Variants in TMEM117 observed in about 807,000 individuals in gnomAD.
TMEM117 encodes transmembrane protein 117.
Under a neutral mutation model 52.4 loss-of-function variants are expected in TMEM117, and 27 were observed. That is an observed-to-expected ratio of 0.51 (90% CI 0.38 to 0.71). TMEM117 has a LOEUF of 0.71. Among genes scored for constraint, TMEM117 ranks in the 30% least tolerant of loss-of-function variants. The pLI is 0.00. For synonymous variants in TMEM117, 215 were observed against 206.3 expected (o/e 1.04, Z -0.36); for missense variants, 556 against 630.5 (o/e 0.88, Z 1.26).
chr12:44,080,205 A>C (rs1317963672), intron 3 of TMEM117, among the ~76,000 whole-genome samples: 1 of 152,130 alleles, frequency 6.6e-6, no homozygotes, highest in Non-Finnish European at 1.5e-5. Flanking sequence ...GGTAATTTAT[A>C]GAGGAAAGAG....
At chr12:44,359,680 GA>G (rs1951696314) in intron 6 of TMEM117, among the ~76,000 whole-genome samples, 1 of 151,666 alleles carries the variant, frequency 6.6e-6, no homozygotes, top group Non-Finnish European at 1.5e-5. Flanking sequence ...CCTTAGCAGA[GA>G]AAATTTCCGG....
chr12:43,797,905 C>T, the TMEM117 span: 1 of 1,496,740 alleles, frequency 6.7e-7, no homozygotes, highest in Non-Finnish European at 9.1e-7. Flanking sequence ...GAAAACCCAA[C>T]CTCTATAAAA....
intron 3 of TMEM117, among the ~76,000 whole-genome samples, chr12:44,071,321 A>G (rs1947298581): frequency 2.0e-5 from 3 of 152,224 alleles, no homozygotes; most frequent in Middle Eastern, 3.4e-3. Context: ...TCCCTTGCAC[A>G]TGACTGATGC....
chr12:44,223,895 G>T (rs1949823998), intron 5 of TMEM117, among the ~76,000 whole-genome samples: 1 of 152,186 alleles, frequency 6.6e-6, no homozygotes, highest in African/African-American at 2.4e-5. Context: ...GCCTCGTTCT[G>T]CCAATTGGCT....
At chr12:43,999,327 C>CT (rs1450004817) in intron 3 of TMEM117, among the ~76,000 whole-genome samples, 1 of 152,132 alleles carries the variant, frequency 6.6e-6, no homozygotes, top group East Asian at 1.9e-4. Flanking sequence ...AATAGAAAAA[C>CT]TTTCTTGTGA....
chr12:43,871,855 A>G (rs1943711855), intron 2 of TMEM117, among the ~76,000 whole-genome samples: 1 of 152,166 alleles, frequency 6.6e-6, no homozygotes, highest in Admixed American at 6.5e-5. Flanking sequence ...CAATTTTTCT[A>G]AGTATTGTTC....
chr12:43,974,169 A>G (rs983706662), intron 3 of TMEM117, among the ~76,000 whole-genome samples: 2 of 152,112 alleles, frequency 1.3e-5, no homozygotes, highest in African/African-American at 4.8e-5. Flanking sequence ...TTCTGGAAAG[A>G]TTTATTTGTT....
chr12:44,167,707 G>A (rs1250247514), intron 4 of TMEM117, among the ~76,000 whole-genome samples: 1 of 152,080 alleles, frequency 6.6e-6, no homozygotes, highest in African/African-American at 2.4e-5. Flanking sequence ...AGGGGTTCTT[G>A]TTTCAGCTCT....
chr12:44,192,610 AAT>A (rs1161108177), intron 4 of TMEM117, among the ~76,000 whole-genome samples: 1 of 152,132 alleles, frequency 6.6e-6, no homozygotes, highest in Non-Finnish European at 1.5e-5. Flanking sequence ...GCACTGAATA[AAT>A]AAAATGTTTT....
intron 5 of TMEM117, among the ~76,000 whole-genome samples, chr12:44,273,388 T>A (rs1443432707): frequency 6.7e-6 from 1 of 150,204 alleles, no homozygotes; most frequent in African/African-American, 2.5e-5. Context: ...ATATATATAT[T>A]TAAAAAGAAC....
In TMEM117 at chr12:44,126,142, A is replaced by G. The variant is rs192342914; in HGVS notation, c.411-17383A>G. 3.0e-3 allele frequency among the ~76,000 whole-genome samples: 460 copies of G among 151,926 alleles called. 6 individuals carry two copies. The highest frequency in any genetic ancestry group is 1.0e-2 in the African/African-American group (414 of 41,456). ...AGGAATGTTTTAGTTCTAATTATGT[A>G]TCACATATTTATCCAATCCACCATT... On this transcript the variant is annotated intron_variant, in intron 3 of 7. Transcript: ENST00000266534.
intron 4 of TMEM117, among the ~76,000 whole-genome samples, chr12:44,169,382 G>A (rs951656372): frequency 6.6e-6 from 1 of 152,032 alleles, no homozygotes; most frequent in African/African-American, 2.4e-5. Flanking sequence ...AAAAATAATG[G>A]TTATTCTGTC....
intron 4 of TMEM117, among the ~76,000 whole-genome samples, chr12:44,195,109 G>T (rs1378329575): frequency 6.6e-6 from 1 of 152,146 alleles, no homozygotes; most frequent in South Asian, 2.1e-4. Flanking sequence ...GGGCTCCACT[G>T]GGTTCTCTAC....
At chr12:44,105,002 T>C (rs1049665867) in intron 3 of TMEM117, among the ~76,000 whole-genome samples, 3 of 151,998 alleles carry the variant, frequency 2.0e-5, no homozygotes, top group Non-Finnish European at 4.4e-5. Flanking sequence ...CCTGGATCTG[T>C]GGTTTGGTGT....
intron 3 of TMEM117, among the ~76,000 whole-genome samples, chr12:44,142,180 G>A (rs1948580297): frequency 6.6e-6 from 1 of 152,100 alleles, no homozygotes; most frequent in Non-Finnish European, 1.5e-5. Flanking sequence ...CAGTGTGAGA[G>A]TTGATGTATA....
At chr12:43,960,757 T>C (rs985913647) in intron 3 of TMEM117, among the ~76,000 whole-genome samples, 1 of 152,176 alleles carries the variant, frequency 6.6e-6, no homozygotes, top group South Asian at 2.1e-4. Context: ...CTTAACTACA[T>C]AGAGCAAAAA....
rs186371331 is a variant in TMEM117 at position 44,361,872 on chromosome 12, T to C, written c.769-14723T>C. The stretch of plus-strand genomic sequence containing the variant: ...TAACTGAGAAGTACTAAGGTCTATT[T>C]CCATCATTGTTTGATTAGTGTTCAA... On this transcript the variant is annotated intron_variant, in intron 6 of 7. Coordinates refer to ENST00000266534, the MANE Select transcript of TMEM117 (RefSeq NM_032256.3). Among the ~76,000 whole-genome samples the C allele has an allele frequency of 1.3e-3, 192 of 152,276 alleles. 2 individuals carry two copies. Among genetic ancestry groups the C allele is most frequent in the Admixed American group, 0.011 (174 of 15,286 alleles).
At chr12:43,928,211 TCTTA>T (rs892584224) in intron 2 of TMEM117, among the ~76,000 whole-genome samples, 45 of 152,130 alleles carry the variant, frequency 3.0e-4, no homozygotes, top group Admixed American at 2.9e-3. Flanking sequence ...ATCAACCTCT[TCTTA>T]CTTCCATGCG....
intron 2 of TMEM117, among the ~76,000 whole-genome samples, chr12:43,883,835 A>G (rs1312417662): frequency 6.6e-6 from 1 of 152,106 alleles, no homozygotes; most frequent in African/African-American, 2.4e-5. Context: ...AAGGGAGGAA[A>G]TATAGTAAGA....
Sources: gnomAD v4.1 joint callset for allele counts (sites outside exome capture counted in the v4.1 genomes callset) on GRCh38, gnomAD v4.1.1 for gene constraint, MANE v1.5 for transcripts, NCBI Gene and HGNC (gene_info 2026-07-23, HGNC 2026-07-21) for gene names.